Variants in GRIP1 observed in about 807,000 individuals in gnomAD.
The protein encoded by GRIP1 is glutamate receptor interacting protein 1.
In GRIP1, 45 loss-of-function variants were observed where a neutral mutation model predicts 129.9. The ratio of observed to expected loss-of-function variants is 0.35; its 90% CI spans 0.27 to 0.44. The LOEUF is 0.44. Among genes scored for constraint, GRIP1 ranks in the 20% least tolerant of loss-of-function variants. The pLI, the probability that GRIP1 is intolerant of heterozygous loss-of-function variation, is 1.00. For synonymous variants in GRIP1, 530 were observed against 520.8 expected (o/e 1.02, Z -0.24); for missense variants, 1,196 against 1,396.8 (o/e 0.86, Z 2.29).
At chr12:66,721,192 CT>C (rs1231963653) in intron 1 of GRIP1, among the ~76,000 whole-genome samples, 6 of 152,140 alleles carry the variant, frequency 3.9e-5, no homozygotes, top group Non-Finnish European at 8.8e-5. Context: ...TGAAAGGAAT[CT>C]TTTTTTCTGA....
intron 15 of GRIP1, among the ~76,000 whole-genome samples, chr12:66,411,119 T>G (rs910575590): frequency 1.3e-5 from 2 of 152,090 alleles, no homozygotes; most frequent in Admixed American, 1.3e-4. Context: ...GTTCCCCAAA[T>G]CACAGTGCAC....
At chr12:66,474,269 C>A (rs2059535203) in intron 7 of GRIP1, among the ~76,000 whole-genome samples, 1 of 151,652 alleles carries the variant, frequency 6.6e-6, no homozygotes, top group Non-Finnish European at 1.5e-5. Flanking sequence ...AGTGTGAAGA[C>A]AAGATTAGAG....
chr12:67,064,586 C>T (rs758023727), intron 1 of GRIP1, among the ~76,000 whole-genome samples: 1 of 152,134 alleles, frequency 6.6e-6, no homozygotes, highest in Non-Finnish European at 1.5e-5. Context: ...TCTCTTTTAC[C>T]TACTTTGTTC....
intron 1 of GRIP1, among the ~76,000 whole-genome samples, chr12:66,978,872 G>C (rs1263556858): frequency 6.6e-6 from 1 of 151,996 alleles, no homozygotes; most frequent in Non-Finnish European, 1.5e-5. Flanking sequence ...ATTACAGGCA[G>C]CTAAGCCTTT....
chr12:66,488,740 A>G (rs1361786759), intron 7 of GRIP1, among the ~76,000 whole-genome samples: 1 of 152,076 alleles, frequency 6.6e-6, no homozygotes, highest in Non-Finnish European at 1.5e-5. Flanking sequence ...AATAAAGAAG[A>G]AAAGAGAGAA....
chr12:66,680,828 C>T (rs556559040), upstream of GRIP1, among the ~76,000 whole-genome samples: 25 of 152,154 alleles, frequency 1.6e-4, no homozygotes, highest in Non-Finnish European at 3.4e-4. Context: ...ACCACCACCC[C>T]AGCCCAGTCT....
chr12:66,942,383 C>T (rs79930870), intron 1 of GRIP1, among the ~76,000 whole-genome samples: 249 of 151,758 alleles, frequency 1.6e-3, no homozygotes, highest in African/African-American at 5.8e-3. Flanking sequence ...AGATGACTGC[C>T]AAGCATAACA....
At chr12:66,454,383 T>G (rs868223812) in intron 11 of GRIP1, among the ~76,000 whole-genome samples, 8 of 152,232 alleles carry the variant, frequency 5.3e-5, no homozygotes, top group Admixed American at 2.6e-4. Flanking sequence ...AGATCCCATC[T>G]TCTTTAAATT....
intron 7 of GRIP1, among the ~76,000 whole-genome samples, chr12:66,504,777 AAAACATGCT>A (rs755349706): frequency 5.4e-4 from 82 of 152,360 alleles, no homozygotes; most frequent in Non-Finnish European, 9.7e-4. Context: ...GAAAGATAAT[AAAACATGCT>A]GTAGTCAAAT....
intron 1 of GRIP1, among the ~76,000 whole-genome samples, chr12:66,696,382 C>T (rs991400577): frequency 2.4e-4 from 37 of 151,912 alleles, no homozygotes; most frequent in African/African-American, 8.7e-4. Flanking sequence ...GACAGTGTAA[C>T]AAAGAAGACA....
chr12:66,789,277 C>T (rs529950156), intron 1 of GRIP1, among the ~76,000 whole-genome samples: 4 of 152,210 alleles, frequency 2.6e-5, no homozygotes, highest in East Asian at 3.9e-4. Context: ...TTTCAAAGAG[C>T]TCTAAGTCCA....
intron 2 of GRIP1, among the ~76,000 whole-genome samples, chr12:66,566,066 AAC>A (rs1459810941): frequency 6.6e-6 from 1 of 152,198 alleles, no homozygotes; most frequent in Non-Finnish European, 1.5e-5. Context: ...GTCATCTGCA[AAC>A]AGAGACAATT....
intron 1 of GRIP1, among the ~76,000 whole-genome samples, chr12:66,973,210 G>A (rs1442728264): frequency 6.6e-6 from 1 of 151,590 alleles, no homozygotes; most frequent in East Asian, 1.9e-4. Context: ...TTTTTCAGTA[G>A]AACCATTGTT....
intron 1 of GRIP1, among the ~76,000 whole-genome samples, chr12:66,645,016 T>C (rs1422180299): frequency 6.6e-6 from 1 of 152,214 alleles, no homozygotes; most frequent in African/African-American, 2.4e-5. Flanking sequence ...GAGTTATTAT[T>C]AGAGGAATTT....
At chr12:66,638,031 G>C (rs764103046) in intron 1 of GRIP1, among the ~76,000 whole-genome samples, 1 of 152,154 alleles carries the variant, frequency 6.6e-6, no homozygotes, top group Non-Finnish European at 1.5e-5. Context: ...ACTCCACATG[G>C]TGTATGTAAA....
rs1344301985 is a variant in GRIP1, at chr12:66,892,967, T to TAAACA, written c.58+176078_58+176082dup. 2.6e-5 allele frequency among the ~76,000 whole-genome samples: 4 copies of TAAACA among 152,048 alleles called. No individual in the cohort carries two copies. The South Asian group carries it at 6.2e-4, about 24-fold the overall frequency. On this transcript the variant is annotated intron_variant, in intron 1 of 1. Transcript: ENST00000643019. ...GGTGATAGAGCAAGACGCTGCCTCA[T>TAAACA]AAACAAAACAAAACAAAGACAAAAA...
chr12:66,656,811 C>T (rs527247156), intron 1 of GRIP1, among the ~76,000 whole-genome samples: 2 of 152,268 alleles, frequency 1.3e-5, no homozygotes, highest in East Asian at 3.9e-4. Context: ...CCGACCTCCT[C>T]TTCTCAGATA....
intron 1 of GRIP1, among the ~76,000 whole-genome samples, chr12:66,645,801 A>C (rs2032316088): frequency 1.3e-5 from 2 of 152,230 alleles, no homozygotes; most frequent in African/African-American, 4.8e-5. Flanking sequence ...GAATAATGAA[A>C]GCTTACCACT....
intron 15 of GRIP1, among the ~76,000 whole-genome samples, chr12:66,411,256 T>C (rs1374123394): frequency 3.3e-5 from 5 of 152,170 alleles, no homozygotes; most frequent in Non-Finnish European, 7.3e-5. Flanking sequence ...AGTGCCCCTC[T>C]GGGACAGAGC....
Sources: allele counts gnomAD v4.1 joint callset (sites outside exome capture counted in the v4.1 genomes callset), GRCh38; gene constraint gnomAD v4.1.1; transcripts MANE v1.5; gene names NCBI Gene and HGNC (gene_info 2026-07-23, HGNC 2026-07-21).